The following CADM2 variants were observed in gnomAD, a reference collection of about 807,000 sequenced individuals.
CADM2 encodes cell adhesion molecule 2, also known as immunoglobulin superfamily member 4D.
In CADM2, 12 loss-of-function variants were observed where a neutral mutation model predicts 49.8. The ratio of observed to expected loss-of-function variants is 0.24; its 90% CI spans 0.15 to 0.39. The LOEUF (loss-of-function observed/expected upper bound fraction) is 0.39. Among genes scored for constraint, CADM2 ranks in the 10% least tolerant of loss-of-function variants. The pLI, the probability that CADM2 is intolerant of heterozygous loss-of-function variation, is 1.00. For synonymous variants in CADM2, 214 were observed against 175.4 expected (o/e 1.22, Z -1.74); for missense variants, 378 against 492.3 (o/e 0.77, Z 2.20).
intron 1 of CADM2, among the ~76,000 whole-genome samples, chr3:85,137,916 A>G (rs921407991): frequency 6.6e-5 from 10 of 152,276 alleles, no homozygotes; most frequent in East Asian, 1.9e-4. Flanking sequence ...TCAAATATAG[A>G]ATTATTAATA....
chr3:85,724,117 A>G (rs1179086219), intron 1 of CADM2, among the ~76,000 whole-genome samples: 6 of 152,170 alleles, frequency 3.9e-5, no homozygotes, highest in African/African-American at 9.6e-5. Context: ...AAGGAATCCA[A>G]TTAAAACAAA....
chr3:85,917,632 G>T (rs141544697), intron 6 of CADM2, among the ~76,000 whole-genome samples: 5,462 of 152,218 alleles, frequency 0.036, 317 homozygotes, highest in African/African-American at 0.12. Flanking sequence ...TTTGGCTTAG[G>T]ATTGATTTGG....
chr3:85,944,901 A>C (rs1323442423), intron 7 of CADM2, among the ~76,000 whole-genome samples: 1 of 152,116 alleles, frequency 6.6e-6, no homozygotes, highest in Non-Finnish European at 1.5e-5. Flanking sequence ...TTCAAAAGCT[A>C]GCAGAAGGCA....
chr3:85,115,009 T>G (rs1162883729), intron 1 of CADM2, among the ~76,000 whole-genome samples: 1 of 152,202 alleles, frequency 6.6e-6, no homozygotes, highest in East Asian at 1.9e-4. Flanking sequence ...TCAAACATTC[T>G]GCAAAGTCTT....
At chr3:85,829,297 T>A (rs1398841422) in intron 3 of CADM2, among the ~76,000 whole-genome samples, 1 of 151,902 alleles carries the variant, frequency 6.6e-6, no homozygotes, top group East Asian at 1.9e-4. Context: ...CTTTTATTAT[T>A]TTTAATTGAC....
At chr3:85,822,030 G>A (rs905156360) in intron 3 of CADM2, among the ~76,000 whole-genome samples, 4 of 152,100 alleles carry the variant, frequency 2.6e-5, no homozygotes, top group African/African-American at 9.7e-5. Flanking sequence ...ATGTCTATAT[G>A]CATATTTAGA....
At chr3:85,931,506 CTTTG>C in intron 6 of CADM2, among the ~76,000 whole-genome samples, 1 of 152,192 alleles carries the variant, frequency 6.6e-6, no homozygotes, top group South Asian at 2.1e-4. Flanking sequence ...TAAGCACACA[CTTTG>C]TTTAAACACT....
chr3:85,206,586 C>T (rs2107758052), intron 1 of CADM2, among the ~76,000 whole-genome samples: 1 of 152,150 alleles, frequency 6.6e-6, no homozygotes, highest in South Asian at 2.1e-4. Context: ...GGATTACAGG[C>T]GTGAGCCACC....
intron 1 of CADM2, among the ~76,000 whole-genome samples, chr3:85,589,232 G>A (rs139328423): frequency 6.6e-6 from 1 of 152,084 alleles, no homozygotes; most frequent in East Asian, 1.9e-4. Flanking sequence ...CTGCCCAGAT[G>A]TGAGAGTTCC....
intron 3 of CADM2, among the ~76,000 whole-genome samples, chr3:85,870,809 C>T (rs1043217723): frequency 3.4e-4 from 52 of 152,176 alleles, no homozygotes; most frequent in African/African-American, 1.2e-3. Flanking sequence ...GTTTTTAGCT[C>T]TTTGAGGAAT....
chr3:85,853,128 T>G (rs1033924583), intron 3 of CADM2, among the ~76,000 whole-genome samples: 1 of 151,542 alleles, frequency 6.6e-6, no homozygotes, highest in Admixed American at 6.6e-5. Flanking sequence ...CTGCCAGCAT[T>G]GTCATTAGAA....
intron 1 of CADM2, among the ~76,000 whole-genome samples, chr3:85,656,563 C>A (rs1350282790): frequency 6.6e-6 from 1 of 152,124 alleles, no homozygotes. Context: ...TTGCAGTTAG[C>A]TGAGATTGCA....
chr3:85,527,820 G>C (rs574981268), intron 1 of CADM2, among the ~76,000 whole-genome samples: 1 of 152,132 alleles, frequency 6.6e-6, no homozygotes, highest in Non-Finnish European at 1.5e-5. Context: ...AAAATGCTTT[G>C]CATTAACAAT....
rs897885115 is a variant in CADM2, at chr3:85,978,579, T to C, written c.970+16932T>C. Among the ~76,000 whole-genome samples the C allele has an allele frequency of 2.0e-5, 3 of 151,650 alleles. No individual in the cohort carries two copies. The Admixed American group carries it at 2.0e-4, about 10-fold the overall frequency. On this transcript the variant is annotated intron_variant, in intron 8 of 9. Coordinates refer to ENST00000383699, the MANE Select transcript of CADM2 (RefSeq NM_001167675.2). ...GAATTGCAAGACTCTAAACTGTGCA[T>C]TAACCTCATTTGTGAGAACAGGAGA...
At chr3:85,568,860 G>A (rs144534145) in intron 1 of CADM2, among the ~76,000 whole-genome samples, 97 of 151,812 alleles carry the variant, frequency 6.4e-4, no homozygotes, top group East Asian at 3.3e-3. Context: ...CGTCCACCTC[G>A]GCCTTCCAAT....
intron 8 of CADM2, among the ~76,000 whole-genome samples, chr3:86,031,755 A>T (rs966465088): frequency 4.6e-5 from 7 of 151,914 alleles, no homozygotes; most frequent in East Asian, 1.9e-4. Context: ...CAAATTTTTT[A>T]AAAAATATAT....
intron 1 of CADM2, among the ~76,000 whole-genome samples, chr3:85,665,168 G>C (rs1392549833): frequency 2.0e-5 from 3 of 151,832 alleles, no homozygotes; most frequent in African/African-American, 7.2e-5. Context: ...AAGCCTGCTT[G>C]ATTGAATCTA....
chr3:85,417,414 C>T lies in CADM2; in HGVS notation c.62-309108C>T, dbSNP rs561065715. Among the ~76,000 whole-genome samples the T allele has an allele frequency of 5.9e-5, 9 of 152,260 alleles. No homozygotes were observed. In the South Asian group the frequency reaches 1.0e-3, roughly 18 times the overall value. On this transcript the variant is annotated intron_variant, in intron 1 of 9. Transcript: ENST00000383699. Reference sequence around the variant, plus strand: ...CACGAATCGAGGCCCAACACCAGTACTTGGCTCTTCTTTGGGATTTTCAGT... The same window carrying T: ...CACGAATCGAGGCCCAACACCAGTATTTGGCTCTTCTTTGGGATTTTCAGT...
chr3:85,277,643 A>G (rs933006704), intron 1 of CADM2, among the ~76,000 whole-genome samples: 2 of 151,380 alleles, frequency 1.3e-5, no homozygotes, highest in African/African-American at 4.8e-5. Flanking sequence ...CTTTTATTGC[A>G]CTGAATACAA....
Sources: gnomAD v4.1 joint callset for allele counts (sites outside exome capture counted in the v4.1 genomes callset) on GRCh38, gnomAD v4.1.1 for gene constraint, MANE v1.5 for transcripts, NCBI Gene and HGNC (gene_info 2026-07-23, HGNC 2026-07-21) for gene names.